SOX5: variants seen among roughly 807,000 people sequenced by gnomAD.
SOX5 encodes the protein transcription factor SOX-5.
SOX5 carries 9 observed loss-of-function variants against 92.0 expected under a neutral mutation model. The observed-to-expected ratio is 0.10, with a 90% CI of 0.06 to 0.17. The LOEUF is 0.17. Among genes scored for constraint, SOX5 ranks in the 10% least tolerant of loss-of-function variants. The pLI is 1.00. For synonymous variants in SOX5, 344 were observed against 336.3 expected, an observed-to-expected ratio of 1.02 and a Z score of -0.25; for missense variants, 642 against 944.5, an observed-to-expected ratio of 0.68 and a Z score of 4.20.
intron 13 of SOX5, among the ~76,000 whole-genome samples, chr12:23,539,044 A>G (rs1163370683): frequency 2.0e-5 from 3 of 151,454 alleles, no homozygotes; most frequent in Admixed American, 6.6e-5. Flanking sequence ...TGATCTCGTG[A>G]TCTGCCCGGT....
At chr12:23,867,252 T>A (rs572263292) in intron 2 of SOX5, among the ~76,000 whole-genome samples, 32 of 152,216 alleles carry the variant, frequency 2.1e-4, no homozygotes, top group African/African-American at 7.2e-4. Flanking sequence ...CACCTAAATA[T>A]CTCCTATGTC....
At chr12:24,379,881 T>TTTTTTC (rs961220062) in intron 1 of SOX5, among the ~76,000 whole-genome samples, 2 of 151,858 alleles carry the variant, frequency 1.3e-5, no homozygotes, top group African/African-American at 4.8e-5. Flanking sequence ...AGATTCTTTT[T>TTTTTTC]TTTTTCTTCA....
chr12:24,531,684 C>T (rs1951205391), intron 1 of SOX5, among the ~76,000 whole-genome samples: 1 of 152,162 alleles, frequency 6.6e-6, no homozygotes, highest in Non-Finnish European at 1.5e-5. Flanking sequence ...CCCAAGAAAA[C>T]AGGTGTGTTA....
At chr12:23,663,515 A>G (rs1241504406) in intron 7 of SOX5, among the ~76,000 whole-genome samples, 1 of 152,140 alleles carries the variant, frequency 6.6e-6, no homozygotes, top group Non-Finnish European at 1.5e-5. Context: ...ATATTTGCTA[A>G]TGGGACTTAC....
chr12:23,568,843 T>A (rs1947622969), intron 10 of SOX5, among the ~76,000 whole-genome samples: 1 of 151,944 alleles, frequency 6.6e-6, no homozygotes, highest in Non-Finnish European at 1.5e-5. Flanking sequence ...CTTACACTCT[T>A]TGAATTCATG....
intron 3 of SOX5, among the ~76,000 whole-genome samples, chr12:23,770,741 A>G (rs2094905661): frequency 6.6e-6 from 1 of 152,178 alleles, no homozygotes; most frequent in Admixed American, 6.5e-5. Context: ...AGATTCCTTT[A>G]TGAACTGGGC....
At chr12:23,816,317 C>G (rs761316695) in intron 3 of SOX5, among the ~76,000 whole-genome samples, 1 of 151,324 alleles carries the variant, frequency 6.6e-6, no homozygotes, top group Non-Finnish European at 1.5e-5. Context: ...TCAAGCGATT[C>G]TCCTGCCTCA....
intron 3 of SOX5, among the ~76,000 whole-genome samples, chr12:23,776,695 A>G (rs1471919591): frequency 6.6e-6 from 1 of 152,128 alleles, no homozygotes; most frequent in Non-Finnish European, 1.5e-5. Context: ...ATCAGGCATT[A>G]GATTCTCATA....
intron 3 of SOX5, among the ~76,000 whole-genome samples, chr12:23,819,796 T>A (rs560633097): frequency 6.6e-6 from 1 of 152,240 alleles, no homozygotes; most frequent in Non-Finnish European, 1.5e-5. Context: ...TTTCATGGTG[T>A]ATATGTGCCA....
intron 3 of SOX5, among the ~76,000 whole-genome samples, chr12:23,817,438 C>A (rs1052576702): frequency 6.6e-6 from 1 of 152,148 alleles, no homozygotes; most frequent in Non-Finnish European, 1.5e-5. Flanking sequence ...AAAATATTTT[C>A]TTTACAGTTG....
chr12:23,923,018 T>C (rs1253876925), intron 1 of SOX5, among the ~76,000 whole-genome samples: 1 of 151,478 alleles, frequency 6.6e-6, no homozygotes, highest in Non-Finnish European at 1.5e-5. Flanking sequence ...CCATCTCGGC[T>C]CACTGCAAGC....
chr12:23,662,194 G>C (rs967112814), intron 7 of SOX5, among the ~76,000 whole-genome samples: 5 of 151,896 alleles, frequency 3.3e-5, no homozygotes, highest in African/African-American at 1.2e-4. Context: ...GAAAGGATTT[G>C]ATTCAAGAAC....
intron 4 of SOX5, among the ~76,000 whole-genome samples, chr12:24,004,762 T>C (rs756153668): frequency 5.3e-5 from 8 of 152,158 alleles, no homozygotes; most frequent in Non-Finnish European, 7.4e-5. Flanking sequence ...AATTCCACTC[T>C]TGGATATCCA....
intron 1 of SOX5, among the ~76,000 whole-genome samples, chr12:24,475,361 G>A (rs1156834818): frequency 6.6e-6 from 1 of 152,182 alleles, no homozygotes; most frequent in East Asian, 1.9e-4. Flanking sequence ...CCTTATAGGA[G>A]CATAAGCCTC....
chr12:24,517,298 T>A (rs1449435408), intron 1 of SOX5, among the ~76,000 whole-genome samples: 1 of 152,122 alleles, frequency 6.6e-6, no homozygotes, highest in Non-Finnish European at 1.5e-5. Flanking sequence ...CTAAAATCAT[T>A]CACAACTCAA....
chr12:24,337,934 A>C (rs1454913601), intron 2 of SOX5, among the ~76,000 whole-genome samples: 1 of 152,150 alleles, frequency 6.6e-6, no homozygotes. Flanking sequence ...TGACACACAA[A>C]ATTTTTTTTG....
At chr12:24,408,090 G>T (rs999544511) in intron 1 of SOX5, among the ~76,000 whole-genome samples, 3 of 152,120 alleles carry the variant, frequency 2.0e-5, no homozygotes, top group Non-Finnish European at 4.4e-5. Context: ...CGAGGAAATG[G>T]CAAGTACAAA....
chr12:24,520,487 CAT>C (rs1436755343), intron 1 of SOX5, among the ~76,000 whole-genome samples: 1 of 141,874 alleles, frequency 7.0e-6, no homozygotes. Flanking sequence ...ATAATAGACA[CAT>C]AAAAGATAAA....
chr12:24,092,537 T>A (rs1459567042), intron 4 of SOX5, among the ~76,000 whole-genome samples: 1 of 152,188 alleles, frequency 6.6e-6, no homozygotes, highest in Non-Finnish European at 1.5e-5. Context: ...CCAAGAAGCC[T>A]GCAGACTCTT....
Sources: allele counts gnomAD v4.1 joint callset (sites outside exome capture counted in the v4.1 genomes callset), GRCh38; gene constraint gnomAD v4.1.1; transcripts MANE v1.5; gene names NCBI Gene and HGNC (gene_info 2026-07-23, HGNC 2026-07-21).